Variants in SLC13A4 observed in about 807,000 individuals in gnomAD.
SLC13A4 encodes solute carrier family 13 member 4, also known as Na(+)/sulfate cotransporter SUT-1.
SLC13A4 carries 28 observed loss-of-function variants against 72.7 expected under a neutral mutation model. The observed-to-expected ratio is 0.39, with a 90% confidence interval of 0.29 to 0.53. SLC13A4 has a LOEUF of 0.53. Ranked by LOEUF, SLC13A4 falls within the 20% of genes least tolerant of loss-of-function variation. The probability of loss-of-function intolerance (pLI) is 0.78; values close to 1 mark genes in which losing one functional copy is unlikely to be tolerated. For missense variants in SLC13A4, 653 were observed against 788.0 expected, an observed-to-expected ratio of 0.83 and a Z score of 2.05; for synonymous variants, 312 against 325.5, an observed-to-expected ratio of 0.96 and a Z score of 0.45.
At chr7:135,715,520 TGTGA>T (rs779473713) in intron 2 of SLC13A4, among the ~76,000 whole-genome samples, 13 of 139,812 alleles carry the variant, frequency 9.3e-5, no homozygotes, top group Non-Finnish European at 1.5e-4. Context: ...TATGTGAGTG[TGTGA>T]GTGTGTGCCA....
rs142381667 is a variant in SLC13A4, at chr7:135,686,208, G to T, written c.1447-525C>A. On this transcript the variant is annotated intron_variant, in intron 13 of 15. Transcript: ENST00000682651. ...TAAGGAGATGAACAGGCAGGGCTGA[G>T]CACTGGAGGTTTTACAGGAGTAATA... Among the ~76,000 whole-genome samples the T allele has an allele frequency of 5.9e-5, 9 of 152,328 alleles. No homozygotes were observed. In the East Asian group the frequency reaches 1.7e-3, roughly 29 times the overall value.
intron 2 of SLC13A4, among the ~76,000 whole-genome samples, chr7:135,720,562 A>G (rs80342931): frequency 6.2e-5 from 9 of 146,156 alleles, no homozygotes; most frequent in Non-Finnish European, 1.4e-4. Flanking sequence ...ATTAAAAAAA[A>G]AAAAAAAAAA....
At chr7:135,681,829 T>C (rs532458864) in intron 15 of SLC13A4, 129 bp from the exon 16 acceptor site, 51,608 of 1,283,686 alleles carry the variant, frequency 0.04, 1,151 homozygotes, top group Middle Eastern at 0.062. Context: ...CCTGGGGTGC[T>C]CTAGCATTGC....
At chr7:135,709,732 C>G (rs2129494933) in intron 2 of SLC13A4, among the ~76,000 whole-genome samples, 1 of 152,300 alleles carries the variant, frequency 6.6e-6, no homozygotes, top group African/African-American at 2.4e-5. Flanking sequence ...ACATTCCAAT[C>G]AGACTTTGAA....
chr7:135,724,548 A>G (rs886121911), intron 1 of SLC13A4, among the ~76,000 whole-genome samples: 1 of 151,880 alleles, frequency 6.6e-6, no homozygotes, highest in African/African-American at 2.4e-5. Context: ...AGAGAAAGAA[A>G]GAGGACTTTC....
At position 135,695,219 on chromosome 7, in the gene SLC13A4, A is replaced by C; in HGVS notation, c.1019+149T>G. On this transcript the variant is annotated intron_variant, in intron 9 of 15. Coordinates refer to ENST00000682651, the MANE Select transcript of SLC13A4 (RefSeq NM_001318192.2). ...GAATGTCTAGAAGAGACAGCACCTG[A>C]CTCTCAGACCAGACCACTGCATTCT... The C allele has an allele frequency of 3.1e-6, 3 of 959,946 alleles. No individual in the cohort carries two copies. The African/African-American group carries it at 4.9e-5, about 16-fold the overall frequency. 59.5% of individuals were successfully genotyped at this position (959,946 alleles called of 1,614,324 possible).
Position 135,682,063 on chromosome 7 carries a change from C to CA in SLC13A4, c.1747-364dup, listed in dbSNP as rs1795515476. Reference sequence around the variant, plus strand: ...AGATCTCTGTAAAGCAGGAACTTCTCAGAGCCCCGATGCGTTAATACAGGG... The same window carrying CA: ...AGATCTCTGTAAAGCAGGAACTTCTCAAGAGCCCCGATGCGTTAATACAGGG... On this transcript the variant is annotated intron_variant, in intron 15 of 15. Coordinates refer to ENST00000682651, the MANE Select transcript of SLC13A4 (RefSeq NM_001318192.2). Among the ~76,000 whole-genome samples the CA allele has an allele frequency of 3.9e-5, 6 of 152,344 alleles. No individual in the cohort carries two copies. In the South Asian group the frequency reaches 1.2e-3, roughly 32 times the overall value.
Position 135,727,861 on chromosome 7 carries a change from G to A in SLC13A4, c.-365C>T. 1 of 212,214 alleles carries A rather than the reference G, an allele frequency of 4.7e-6. No homozygotes were observed. Among genetic ancestry groups the A allele is most frequent in the Non-Finnish European group, 9.3e-6 (1 of 107,904 alleles). 13.1% of individuals were successfully genotyped at this position (212,214 alleles called of 1,614,324 possible). A position where few individuals can be genotyped will look rare whatever the true frequency, so the allele number is the denominator to read the frequency against. On this transcript the variant is annotated 5_prime_UTR_variant, in exon 1 of 16. Transcript: ENST00000682651. Reference sequence around the variant, plus strand: ...TAATCCTTTAAGCCACACCTTTGCTGCTGCTGCTCGGCCTTGAAGAAATCA... The same window carrying A: ...TAATCCTTTAAGCCACACCTTTGCTACTGCTGCTCGGCCTTGAAGAAATCA...
At chr7:135,693,945 G>C (rs151027157) in intron 10 of SLC13A4, among the ~76,000 whole-genome samples, 192 bp downstream of exon 10, 20 of 152,344 alleles carry the variant, frequency 1.3e-4, no homozygotes, top group Admixed American at 2.6e-4. Flanking sequence ...ATAGAGCAAA[G>C]GGGAAGGGTG....
intron 11 of SLC13A4, 195 bp downstream of exon 11, chr7:135,692,128 G>A: frequency 8.4e-6 from 5 of 596,338 alleles, no homozygotes; most frequent in Non-Finnish European, 3.0e-6. Context: ...ATGCAGCACT[G>A]GATTCCAACC....
chr7:135,696,953 C>G (rs183381463), intron 8 of SLC13A4, among the ~76,000 whole-genome samples: 35 of 152,354 alleles, frequency 2.3e-4, no homozygotes, highest in African/African-American at 8.2e-4. Flanking sequence ...TCTCTGCTGT[C>G]TGATATTGTT....
At chr7:135,726,977 C>G (rs1283992132) in intron 1 of SLC13A4, among the ~76,000 whole-genome samples, 1 of 152,182 alleles carries the variant, frequency 6.6e-6, no homozygotes, top group Admixed American at 6.5e-5. Flanking sequence ...TCCTCAGTGC[C>G]ACTATTGGGA....
intron 1 of SLC13A4, among the ~76,000 whole-genome samples, chr7:135,725,160 G>A (rs150868013): frequency 1.6e-3 from 244 of 152,268 alleles, no homozygotes; most frequent in Non-Finnish European, 2.8e-3. Flanking sequence ...TTTGGCTCCC[G>A]TTTACAAGTA....
At chr7:135,681,838 G>T in intron 15 of SLC13A4, 138 bp from the exon 16 acceptor site, 1 of 1,150,698 alleles carries the variant, frequency 8.7e-7, no homozygotes, top group Non-Finnish European at 1.2e-6. Context: ...CTCTAGCATT[G>T]CCTTGTAGGG....
At chr7:135,719,956 G>GGAGAGAGAGAGAGAGAGA (rs10700387) in intron 2 of SLC13A4, among the ~76,000 whole-genome samples, 1 of 135,906 alleles carries the variant, frequency 7.4e-6, no homozygotes, top group South Asian at 2.5e-4. Flanking sequence ...GGAGTTGGGG[G>GGAGAGAGAGAGAGAGAGA]GAGAGAGAGA....
chr7:135,685,770 G>T, intron 13 of SLC13A4, 87 bp from the exon 14 acceptor site: 1 of 1,246,116 alleles, frequency 8.0e-7, no homozygotes, highest in Non-Finnish European at 1.1e-6. Context: ...CAGGGATGTT[G>T]GAAGGCTGGA....
At chr7:135,686,202 G>A (rs564214146) in intron 13 of SLC13A4, among the ~76,000 whole-genome samples, 29 of 152,316 alleles carry the variant, frequency 1.9e-4, no homozygotes, top group African/African-American at 6.5e-4. Context: ...GAACAGGCAG[G>A]GCTGAGCACT....
chr7:135,700,302 T>G (rs1308514201), intron 7 of SLC13A4, among the ~76,000 whole-genome samples: 1 of 152,206 alleles, frequency 6.6e-6, no homozygotes, highest in African/African-American at 2.4e-5. Context: ...TGCTGAACTC[T>G]GGTCTCAAGT....
In SLC13A4 at chr7:135,721,497, G is replaced by T. The variant is rs780458458; in HGVS notation, c.126C>A (p.Ile42=). Reference sequence around the variant, plus strand: ...CCGACACCCAGTACACAGCAGTCACGATCAGCACGTAAGCACACGAGGCCT... The same window carrying T: ...CCGACACCCAGTACACAGCAGTCACTATCAGCACGTAAGCACACGAGGCCT... ...SSEASCAYVL[I]VTAVYWVSEA... Residue 42 remains isoleucine, a synonymous_variant, in exon 2 of 16, where the codon ATC becomes ATA. Transcript: ENST00000682651. The T allele has an allele frequency of 1.2e-6, 2 of 1,613,934 alleles. No individual in the cohort carries two copies. The highest frequency in any genetic ancestry group is 2.7e-5 in the African/African-American group (2 of 74,922).
Sources: gnomAD v4.1 joint callset for allele counts (sites outside exome capture counted in the v4.1 genomes callset) on GRCh38, gnomAD v4.1.1 for gene constraint, MANE v1.5 for transcripts, NCBI Gene and HGNC (gene_info 2026-07-23, HGNC 2026-07-21) for gene names.